Variants in GAN observed in about 807,000 individuals in gnomAD.
GAN encodes epididymis secretory sperm binding protein.
Under a neutral mutation model 71.3 loss-of-function variants are expected in GAN, and 48 were observed. That is an observed-to-expected ratio of 0.67 (90% CI 0.53 to 0.86). The LOEUF is 0.86. GAN is among the 40% of genes least tolerant of loss of function. The pLI is 0.00. For missense variants in GAN, 928 were observed against 770.1 expected (o/e 1.21, Z -2.43); for synonymous variants, 386 against 276.8 (o/e 1.39, Z -3.92).
rs2150691608 is a variant in GAN at position 81,364,998 on chromosome 16, AAG to A, written c.1263_1264del (p.Lys422AsnfsTer14). 1 of 1,614,098 alleles carries A rather than the reference AAG, an allele frequency of 6.2e-7. No homozygotes were observed. The highest frequency in any genetic ancestry group is 8.5e-7 in the Non-Finnish European group (1 of 1,179,960). On this transcript the variant is annotated frameshift_variant, in exon 8 of 11. Coordinates refer to ENST00000648994, the MANE Select transcript of GAN (RefSeq NM_022041.4). LOFTEE classifies it high-confidence loss of function. Reference protein sequence around the residue: ...RKIGCYAAMKKKIYAMGGGSY... With the variant: ...RKIGCYAAMKXKIYAMGGGSY... ...GATCGGCTGCTATGCAGCTATGAAA[AAG>A]AAAATCTACGCCATGGGTGGAGGCT...
chr16:81,338,663 A>G (rs1909844747), intron 1 of GAN, among the ~76,000 whole-genome samples: 1 of 152,228 alleles, frequency 6.6e-6, no homozygotes, highest in African/African-American at 2.4e-5. Context: ...AGTTGGGGGA[A>G]AAGTGAAGAC....
chr16:81,346,178 T>C (rs1479209390), intron 1 of GAN, among the ~76,000 whole-genome samples: 1 of 152,164 alleles, frequency 6.6e-6, no homozygotes, highest in Non-Finnish European at 1.5e-5. Flanking sequence ...GCAAAGAAAA[T>C]TTAATATAAA....
intron 1 of GAN, among the ~76,000 whole-genome samples, chr16:81,347,004 T>TAACC (rs1395035023): frequency 6.6e-6 from 1 of 152,222 alleles, no homozygotes; most frequent in Non-Finnish European, 1.5e-5. Flanking sequence ...TATATGTTGA[T>TAACC]AACCAGCACA....
intron 3 of GAN, 121 bp downstream of exon 3, chr16:81,354,876 C>A: frequency 3.0e-6 from 2 of 667,404 alleles, no homozygotes; most frequent in South Asian, 1.8e-5. Context: ...TAAAAGATAC[C>A]TGTAAAACAT....
chr16:81,377,843 G>A lies in GAN; in HGVS notation c.*247G>A, dbSNP rs2216769. The A allele has an allele frequency of 0.59, 327,975 of 553,958 alleles. 97,927 individuals are homozygous for A. The highest frequency in any genetic ancestry group is 0.72 in the East Asian group (23,407 of 32,302). The allele number at this position is 553,958 out of a possible 1,614,324, so 34.3% of individuals were successfully genotyped here. Reference sequence around the variant, plus strand: ...ATGTGGCTGTAGATGTTGGAGGCTAGGGAGGCTAGTAAATATCAAAAGGAA... The same window carrying A: ...ATGTGGCTGTAGATGTTGGAGGCTAAGGAGGCTAGTAAATATCAAAAGGAA... On this transcript the variant is annotated 3_prime_UTR_variant, in exon 11 of 11. Coordinates refer to ENST00000648994, the MANE Select transcript of GAN (RefSeq NM_022041.4).
chr16:81,324,723 T>G lies in GAN; in HGVS notation c.167+9443T>G, dbSNP rs553152778. Among the ~76,000 whole-genome samples the G allele has an allele frequency of 7.2e-5, 11 of 152,264 alleles. No homozygotes were observed. The East Asian group carries it at 2.1e-3, about 29-fold the overall frequency. On this transcript the variant is annotated intron_variant, in intron 1 of 10. Transcript: ENST00000648994. ...GACAAAAAAGCAATTGATGGCATAG[T>G]TGAGTCTGATAGAGAGTTTAGGCTT...
At chr16:81,350,217 C>T (rs1474464591) in intron 1 of GAN, among the ~76,000 whole-genome samples, 1 of 151,982 alleles carries the variant, frequency 6.6e-6, no homozygotes, top group Non-Finnish European at 1.5e-5. Context: ...CATGAACAAA[C>T]GTTTTGCAAA....
At chr16:81,324,259 C>T (rs1035868426) in intron 1 of GAN, among the ~76,000 whole-genome samples, 1 of 152,128 alleles carries the variant, frequency 6.6e-6, no homozygotes, top group African/African-American at 2.4e-5. Context: ...AGACGGAGTG[C>T]CAGCATCCAT....
chr16:81,342,749 A>G (rs1457723379), intron 1 of GAN, among the ~76,000 whole-genome samples: 3 of 152,244 alleles, frequency 2.0e-5, no homozygotes, highest in African/African-American at 2.4e-5. Context: ...AACACATTCA[A>G]AAACTAGCAG....
chr16:81,365,336 G>T lies in GAN; in HGVS notation c.1374-14G>T, dbSNP rs1228124736. 5 of 1,613,926 alleles carry T rather than the reference G, an allele frequency of 3.1e-6. No individual in the cohort carries two copies. The South Asian group carries it at 4.4e-5, about 14-fold the overall frequency. ...TACAGCTTGTGCCTGATAACGCTGT[G>T]TGTGGCCTTTCAGGTTTGGAGCGGT... On this transcript the variant is annotated splice_polypyrimidine_tract_variant and intron_variant, in intron 8 of 10. Transcript: ENST00000648994.
At chr16:81,360,784 C>A (rs1363005114) in intron 5 of GAN, among the ~76,000 whole-genome samples, 1 of 152,092 alleles carries the variant, frequency 6.6e-6, no homozygotes, top group Non-Finnish European at 1.5e-5. Context: ...CATCACCCAA[C>A]TTGAAAAAAA....
intron 9 of GAN, chr16:81,372,126 T>G (rs1911054761): frequency 6.6e-6 from 1 of 152,240 alleles, no homozygotes; most frequent in East Asian, 1.9e-4. Context: ...AGTTCACTGT[T>G]GTAATCCATG....
In GAN at chr16:81,380,650, C is replaced by A. The variant is rs915449191; in HGVS notation, c.*3054C>A. On this transcript the variant is annotated 3_prime_UTR_variant, in exon 11 of 11. Transcript: ENST00000648994. ...TTGTAGTTCTAAACTACATATATTACTGTCTCCTGGTGCTTCAGATAAATT... is the reference window on the plus strand; with the variant it reads ...TTGTAGTTCTAAACTACATATATTAATGTCTCCTGGTGCTTCAGATAAATT... The A allele has an allele frequency of 6.6e-6, 1 of 152,188 alleles. No homozygotes were observed. Among genetic ancestry groups the A allele is most frequent in the African/African-American group, 2.4e-5 (1 of 41,436 alleles). 9.4% of individuals were successfully genotyped at this position (152,188 alleles called of 1,614,324 possible).
chr16:81,362,945 C>T (rs1182923300), intron 6 of GAN, among the ~76,000 whole-genome samples: 6 of 152,350 alleles, frequency 3.9e-5, no homozygotes, highest in African/African-American at 1.2e-4. Context: ...TCCCCGTCTT[C>T]GTACGACGTC....
chr16:81,363,906 C>G lies in GAN; in HGVS notation c.1199C>G (p.Thr400Ser), dbSNP rs368571975. ...SMECYDIYSK[T>S]WTKQPDLTMV... is the part of the protein sequence containing the mutation. ...GAGTGTTACGATATTTATTCTAAAA[C>G]CTGGACAAAGCAACCTGATTTGACC... Residue 400 changes from threonine to serine, a missense_variant, in exon 7 of 11, where the codon ACC becomes AGC. Transcript: ENST00000648994. 199 of 1,613,392 alleles carry G rather than the reference C, an allele frequency of 1.2e-4. No individual in the cohort carries two copies. Among genetic ancestry groups the G allele is most frequent in the Non-Finnish European group, 1.6e-4 (183 of 1,179,500 alleles).
chr16:81,343,338 C>A (rs1910009598), intron 1 of GAN, among the ~76,000 whole-genome samples: 1 of 152,138 alleles, frequency 6.6e-6, no homozygotes. Context: ...AGGCCAATAT[C>A]CCTGATGAAC....
rs1567505101 is a variant in GAN at position 81,389,218 on chromosome 16, A to AAG, written c.*11622_*11623insAG. On this transcript the variant is annotated 3_prime_UTR_variant, in exon 11 of 11. Coordinates refer to ENST00000648994, the MANE Select transcript of GAN (RefSeq NM_022041.4). ...TTATTAGCACAACTTGCTTCATTAA[A>AAG]TAATTCGTGGCTTTTTCTGCCACTG... The AAG allele has an allele frequency of 6.6e-6, 1 of 152,248 alleles. No homozygotes were observed. The highest frequency in any genetic ancestry group is 1.9e-4 in the East Asian group (1 of 5,198). 9.4% of individuals were successfully genotyped at this position (152,248 alleles called of 1,614,324 possible).
intron 9 of GAN, among the ~76,000 whole-genome samples, chr16:81,370,348 T>G (rs969617494): frequency 6.6e-6 from 1 of 152,228 alleles, no homozygotes; most frequent in African/African-American, 2.4e-5. Context: ...CCACATCTGT[T>G]TCAGTCATGG....
intron 1 of GAN, among the ~76,000 whole-genome samples, chr16:81,346,559 C>G (rs896956206): frequency 1.3e-5 from 2 of 152,190 alleles, no homozygotes; most frequent in Non-Finnish European, 2.9e-5. Flanking sequence ...TTGCATGTTC[C>G]TTGTGAGAAT....
Sources: gnomAD v4.1 joint callset for allele counts (sites outside exome capture counted in the v4.1 genomes callset) on GRCh38, gnomAD v4.1.1 for gene constraint, MANE v1.5 for transcripts, NCBI Gene and HGNC (gene_info 2026-07-23, HGNC 2026-07-21) for gene names.